ACSM2A: variants seen among roughly 807,000 people sequenced by gnomAD.
The protein encoded by ACSM2A is acyl-coenzyme A synthetase ACSM2A, mitochondrial.
A neutral mutation model predicts 76.6 loss-of-function variants in ACSM2A; 72 were observed. The observed-to-expected ratio is 0.94, with a 90% CI of 0.78 to 1.14. The LOEUF (loss-of-function observed/expected upper bound fraction) is 1.14, where lower values mean the gene tolerates loss of function less well. ACSM2A is among the 50% of genes most tolerant of loss of function. The probability of loss-of-function intolerance (pLI) is 0.00; values close to 1 mark genes in which losing one functional copy is unlikely to be tolerated. For missense variants in ACSM2A, 684 were observed against 708.5 expected, an observed-to-expected ratio of 0.97 and a Z score of 0.39; for synonymous variants, 249 against 255.9, an observed-to-expected ratio of 0.97 and a Z score of 0.26.
intron 6 of ACSM2A, 134 bp downstream of exon 6, chr16:20,471,823 C>A: frequency 6.9e-7 from 1 of 1,457,014 alleles, no homozygotes; most frequent in Non-Finnish European, 9.2e-7. Flanking sequence ...GTTCAGTAAA[C>A]GAGATGGAAA....
In ACSM2A at chr16:20,474,891, A is replaced by G. The variant is rs571688424; in HGVS notation, c.895-471A>G. Among the ~76,000 whole-genome samples, 115 of 152,364 alleles carry G rather than the reference A, an allele frequency of 7.5e-4. 2 individuals carry two copies. Among genetic ancestry groups the G allele is most frequent in the Admixed American group, 2.5e-3 (38 of 15,306 alleles). On this transcript the variant is annotated intron_variant, in intron 6 of 13. Coordinates refer to ENST00000573854, the MANE Select transcript of ACSM2A (RefSeq NM_001308172.2). The stretch of plus-strand genomic sequence containing the variant: ...TGTCTATAGATGTCTTTAGCTTTTC[A>G]AAGAACTTTTATATCTAAAATATAT...
chr16:20,483,569 CAAAAAAAAAA>C (rs60606533), intron 13 of ACSM2A, among the ~76,000 whole-genome samples: 355 of 32,162 alleles, frequency 0.011, 1 homozygote, highest in Middle Eastern at 0.045. Flanking sequence ...GACTCTGTCT[CAAAAAAAAAA>C]AAAAAAAAAA....
intron 1 of ACSM2A, among the ~76,000 whole-genome samples, chr16:20,458,805 A>T (rs1369925491): frequency 2.1e-5 from 3 of 142,484 alleles, no homozygotes; most frequent in Non-Finnish European, 4.6e-5. Context: ...TATATATAAT[A>T]TATATATTAT....
intron 6 of ACSM2A, chr16:20,473,961 T>C: frequency 4.7e-6 from 2 of 424,798 alleles, no homozygotes. Context: ...ATCCCAGGTC[T>C]TTAGATAAAC....
intron 13 of ACSM2A, among the ~76,000 whole-genome samples, chr16:20,484,624 A>G (rs1228169662): frequency 6.9e-6 from 1 of 144,444 alleles, no homozygotes; most frequent in Admixed American, 7.0e-5. Flanking sequence ...GAAAGAAAGG[A>G]GCAGAACTGA....
chr16:20,471,791 C>A (rs1200359605), intron 6 of ACSM2A, 102 bp downstream of exon 6: 2 of 1,536,998 alleles, frequency 1.3e-6, no homozygotes, highest in Admixed American at 3.7e-5. Flanking sequence ...TTTTGCTAAA[C>A]CCCTGCCATG....
At chr16:20,476,516 C>T in intron 8 of ACSM2A, 3 of 985,360 alleles carry the variant, frequency 3.0e-6, no homozygotes, top group South Asian at 4.7e-5. Context: ...AAGAGCTCTG[C>T]AAATATGAAT....
At chr16:20,464,166 T>G (rs1596649311) in intron 2 of ACSM2A, among the ~76,000 whole-genome samples, 2 of 152,224 alleles carry the variant, frequency 1.3e-5, no homozygotes, top group South Asian at 4.1e-4. Flanking sequence ...ATTTAACCAG[T>G]GCCTAAGACG....
intron 4 of ACSM2A, among the ~76,000 whole-genome samples, chr16:20,470,325 A>G (rs1412285740): frequency 4.6e-5 from 7 of 152,136 alleles, no homozygotes; most frequent in African/African-American, 1.7e-4. Context: ...TTGTATCTCT[A>G]AGAGAGGCTG....
At chr16:20,461,758 T>C (rs183590900) in intron 2 of ACSM2A, among the ~76,000 whole-genome samples, 124 of 152,314 alleles carry the variant, frequency 8.1e-4, no homozygotes, top group African/African-American at 2.8e-3. Context: ...GAAATAACTT[T>C]TATGCACCTG....
intron 2 of ACSM2A, among the ~76,000 whole-genome samples, chr16:20,463,635 T>C: frequency 6.6e-6 from 1 of 152,166 alleles, no homozygotes; most frequent in East Asian, 1.9e-4. Context: ...GCCAGCACCA[T>C]GCTTCCTGTA....
At chr16:20,464,320 A>G (rs966741586) in intron 2 of ACSM2A, among the ~76,000 whole-genome samples, 11 of 152,294 alleles carry the variant, frequency 7.2e-5, no homozygotes, top group African/African-American at 1.2e-4. Flanking sequence ...TTTCGGTCTC[A>G]GACTGTTCTT....
In ACSM2A at chr16:20,475,102, A is replaced by G. The variant is rs189165808; in HGVS notation, c.895-260A>G. On this transcript the variant is annotated intron_variant, in intron 6 of 13. Transcript: ENST00000573854. ...AAGTCTTAAACTGGCAGGAACAGACATCCAGGATTTGACAAAAATGTTTCA... is the reference window on the plus strand; with the variant it reads ...AAGTCTTAAACTGGCAGGAACAGACGTCCAGGATTTGACAAAAATGTTTCA... Among the ~76,000 whole-genome samples, 40 of 152,328 alleles carry G rather than the reference A, an allele frequency of 2.6e-4. 1 individual carries two copies. Among genetic ancestry groups the G allele is most frequent in the Admixed American group, 2.0e-3 (31 of 15,300 alleles).
Position 20,471,632 on chromosome 16 carries a change from A to T in ACSM2A, c.837A>T (p.Leu279Phe). ...GCTCACTTATGGAACCTTGGGCATT[A>T]GGAGCATGCACATTTGTTCATCTCT... ...ILCSLMEPWA[L>F]GACTFVHLLP... The change falls in exon 6 of 14, where the codon TTA (leucine) becomes TTT (phenylalanine). Residue 279 changes from leucine to phenylalanine, a missense_variant. Physicochemically the swap from Leu to Phe is conservative, Grantham distance 22 (BLOSUM62 0). Transcript: ENST00000573854. 1.2e-6 allele frequency: 2 copies of T among 1,614,096 alleles called. No individual in the cohort carries two copies. Among genetic ancestry groups the T allele is most frequent in the Non-Finnish European group, 1.7e-6 (2 of 1,179,936 alleles).
At chr16:20,452,729 G>A (rs1422837444) in intron 1 of ACSM2A, among the ~76,000 whole-genome samples, 1 of 149,668 alleles carries the variant, frequency 6.7e-6, no homozygotes, top group Non-Finnish European at 1.5e-5. Flanking sequence ...GTTGGTTTTG[G>A]GGTTTCTGGA....
chr16:20,464,213 C>A (rs183727629), intron 2 of ACSM2A, among the ~76,000 whole-genome samples: 110 of 152,292 alleles, frequency 7.2e-4, no homozygotes, highest in African/African-American at 2.5e-3. Flanking sequence ...CTCTTCTAAG[C>A]CCTCCAAACT....
At chr16:20,467,671 C>A (rs1192343063) in intron 3 of ACSM2A, among the ~76,000 whole-genome samples, 1 of 152,032 alleles carries the variant, frequency 6.6e-6, no homozygotes, top group Admixed American at 6.5e-5. Flanking sequence ...GAGTGAAGAA[C>A]ACAGATATAG....
intron 2 of ACSM2A, among the ~76,000 whole-genome samples, chr16:20,461,813 A>T (rs1195058531): frequency 6.6e-6 from 1 of 152,168 alleles, no homozygotes; most frequent in Non-Finnish European, 1.5e-5. Flanking sequence ...TTTCAGAAAA[A>T]ATAGTTTAAT....
At chr16:20,462,954 C>T (rs1028021540) in intron 2 of ACSM2A, among the ~76,000 whole-genome samples, 3 of 151,258 alleles carry the variant, frequency 2.0e-5, no homozygotes, top group African/African-American at 7.3e-5. Context: ...AAAAATAAAC[C>T]ATCATTCTCA....
Sources: allele counts gnomAD v4.1 joint callset (sites outside exome capture counted in the v4.1 genomes callset), GRCh38; gene constraint gnomAD v4.1.1; transcripts MANE v1.5; gene names NCBI Gene and HGNC (gene_info 2026-07-23, HGNC 2026-07-21).